PCDH18: variants seen among roughly 807,000 people sequenced by gnomAD.
The protein encoded by PCDH18 is protocadherin-18.
In PCDH18, 38 loss-of-function variants were observed where a neutral mutation model predicts 71.5. The ratio of observed to expected loss-of-function variants is 0.53; its 90% CI spans 0.41 to 0.70. PCDH18 has a LOEUF of 0.70. PCDH18 is among the 30% of genes least tolerant of loss of function. The pLI is 0.00. For synonymous variants in PCDH18, 565 were observed against 505.4 expected (o/e 1.12, Z -1.58); for missense variants, 1,334 against 1,384.6 (o/e 0.96, Z 0.58).
chr4:137,525,556 G>A (rs1345233403), intron 3 of PCDH18, among the ~76,000 whole-genome samples: 1 of 152,068 alleles, frequency 6.6e-6, no homozygotes, highest in East Asian at 1.9e-4. Flanking sequence ...ATTGGAATAT[G>A]TGTCATCAAA....
intron 3 of PCDH18, among the ~76,000 whole-genome samples, chr4:137,527,316 A>G (rs2149214150): frequency 6.6e-6 from 1 of 152,308 alleles, no homozygotes; most frequent in Admixed American, 6.5e-5. Flanking sequence ...AATCTTCTCT[A>G]GGTTACTAAA....
chr4:137,524,920 A>G (rs1471308251), intron 3 of PCDH18, among the ~76,000 whole-genome samples: 1 of 152,176 alleles, frequency 6.6e-6, no homozygotes, highest in Non-Finnish European at 1.5e-5. Flanking sequence ...TAAACCTGTC[A>G]TGGAAGAAAG....
intron 3 of PCDH18, 60 bp downstream of exon 3, chr4:137,528,418 T>G (rs1263387758): frequency 7.3e-7 from 1 of 1,373,806 alleles, no homozygotes; most frequent in Non-Finnish European, 1.0e-6. Flanking sequence ...GAGAAATTTT[T>G]CATTTTACTG....
At chr4:137,523,477 A>G (rs915976897) in intron 3 of PCDH18, among the ~76,000 whole-genome samples, 1 of 151,930 alleles carries the variant, frequency 6.6e-6, no homozygotes, top group African/African-American at 2.4e-5. Flanking sequence ...TTAATTCCGC[A>G]GGTCTCTGAA....
chr4:137,521,651 T>C lies in PCDH18; in HGVS notation c.2786A>G (p.Asp929Gly), dbSNP rs1375443981. The change falls in exon 4 of 4, where the codon GAC becomes GGC. Residue 929 changes from aspartate (D) to glycine (G), a missense_variant. Coordinates refer to ENST00000344876, the MANE Select transcript of PCDH18 (RefSeq NM_019035.5). The stretch of plus-strand genomic sequence containing the variant: ...GGGCAGTGGTGGCATCCAGCACTGG[T>C]CAGAGTGTCCCAGGACCCTGCACTC... ...TEECRVLGHS[D>G]QCWMPPLPSP... 1 of 1,611,584 alleles carries C rather than the reference T, an allele frequency of 6.2e-7. No homozygotes were observed. The highest frequency in any genetic ancestry group is 8.5e-7 in the Non-Finnish European group (1 of 1,179,900).
At position 137,519,734 on chromosome 4, in the gene PCDH18, CAG is replaced by C. The variant is rs1376041081; in HGVS notation, c.*1293_*1294del. On this transcript the variant is annotated 3_prime_UTR_variant, in exon 4 of 4. Transcript: ENST00000344876. ...TTAATTTTTCTTTTATTTTCACTGA[CAG>C]AAAAATTTTCTGGAGAGTACAATCA... The C allele has an allele frequency of 6.6e-6, 1 of 152,126 alleles. No homozygotes were observed. Among genetic ancestry groups the C allele is most frequent in the Non-Finnish European group, 1.5e-5 (1 of 68,012 alleles). 9.4% of individuals were successfully genotyped at this position (152,126 alleles called of 1,614,324 possible).
rs938682166 is a variant in PCDH18, at chr4:137,531,551, C to A, written c.538G>T (p.Asp180Tyr). The change falls in exon 1 of 4, where the codon GAT (aspartate) becomes TAT (tyrosine). Residue 180 changes from aspartate (D) to tyrosine (Y), a missense_variant. Physicochemically the swap from Asp to Tyr is radical, Grantham distance 160. Coordinates refer to ENST00000344876, the MANE Select transcript of PCDH18 (RefSeq NM_019035.5). ...SLHTYSLSAN[D>Y]FFNIEVRTRT... ...GTCCGAACCTCGATATTAAAAAAATCATTGGCAGAGAGCGAGTATGTGTGG... is the reference window on the plus strand; with the variant it reads ...GTCCGAACCTCGATATTAAAAAAATAATTGGCAGAGAGCGAGTATGTGTGG... 1 of 1,613,068 alleles carries A rather than the reference C, an allele frequency of 6.2e-7. No homozygotes were observed. Among genetic ancestry groups the A allele is most frequent in the African/African-American group, 1.3e-5 (1 of 74,906 alleles).
At position 137,531,490 on chromosome 4, in the gene PCDH18, A is replaced by G. The variant is rs1430354257; in HGVS notation, c.599T>C (p.Val200Ala). The G allele has an allele frequency of 6.2e-7, 1 of 1,613,978 alleles. No individual in the cohort carries two copies. The highest frequency in any genetic ancestry group is 8.5e-7 in the Non-Finnish European group (1 of 1,179,914). ...CAGCTCCCGATCTAACTCTCTGACCACTATGAGTTCTGCATACTTGGCTCC... is the reference window on the plus strand; with the variant it reads ...CAGCTCCCGATCTAACTCTCTGACCGCTATGAGTTCTGCATACTTGGCTCC... Reference protein sequence around the residue: ...TDGAKYAELIVVRELDRELKS... With the variant: ...TDGAKYAELIAVRELDRELKS... Residue 200 changes from valine to alanine, a missense_variant, in exon 1 of 4, where the codon GTG (valine) becomes GCG (alanine). Val to Ala is a moderately conservative substitution (Grantham distance 64). Coordinates refer to ENST00000344876, the MANE Select transcript of PCDH18 (RefSeq NM_019035.5).
chr4:137,521,005 A>G lies in PCDH18; in HGVS notation c.*24T>C. Reference sequence around the variant, plus strand: ...GTTCCCTATTTCCATATACATGGAAACAAAAATGCTTCGCTAAAATCTCCT... The same window carrying G: ...GTTCCCTATTTCCATATACATGGAAGCAAAAATGCTTCGCTAAAATCTCCT... On this transcript the variant is annotated 3_prime_UTR_variant, in exon 4 of 4. Coordinates refer to ENST00000344876, the MANE Select transcript of PCDH18 (RefSeq NM_019035.5). 2 of 1,527,566 alleles carry G rather than the reference A, an allele frequency of 1.3e-6. No individual in the cohort carries two copies. Among genetic ancestry groups the G allele is most frequent in the Non-Finnish European group, 8.8e-7 (1 of 1,132,828 alleles). The allele number at this position is 1,527,566 out of a possible 1,614,324, so 94.6% of individuals were successfully genotyped here. A position where few individuals can be genotyped will look rare whatever the true frequency, so the allele number is the denominator to read the frequency against.
At chr4:137,523,208 G>C (rs1446691543) in intron 3 of PCDH18, among the ~76,000 whole-genome samples, 1 of 152,062 alleles carries the variant, frequency 6.6e-6, no homozygotes, top group Admixed American at 6.5e-5. Flanking sequence ...GAGAAAGAGC[G>C]TAAGCATGAA....
rs1731674794 is a variant in PCDH18, at chr4:137,531,081, G to A, written c.1008C>T (p.Ala336=). 6.2e-7 allele frequency: 1 copy of A among 1,613,352 alleles called. No individual in the cohort carries two copies. Among genetic ancestry groups the A allele is most frequent in the African/African-American group, 1.3e-5 (1 of 74,976 alleles). The change falls in exon 1 of 4, where the codon GCC becomes GCT. Residue 336 remains alanine, a synonymous_variant. Transcript: ENST00000344876. ...AQDLGPNSIP[A]HCKIIIKVVD... ...CAACCTTAATTATAATTTTGCAATGGGCTGGGATTGAATTTGGACCCAAAT... is the reference window on the plus strand; with the variant it reads ...CAACCTTAATTATAATTTTGCAATGAGCTGGGATTGAATTTGGACCCAAAT...
chr4:137,521,255 T>C lies in PCDH18; in HGVS notation c.3182A>G (p.His1061Arg). 6.2e-7 allele frequency: 1 copy of C among 1,614,088 alleles called. No homozygotes were observed. Among genetic ancestry groups the C allele is most frequent in the Non-Finnish European group, 8.5e-7 (1 of 1,179,986 alleles). The change falls in exon 4 of 4, where the codon CAT becomes CGT. Residue 1061 changes from histidine (H) to arginine (R), a missense_variant. By Grantham distance (29) the His-to-Arg change is conservative. This residue lies in a region of PCDH18 where 319 missense variants were observed against 316.3 expected (regional missense o/e 1.01). Coordinates refer to ENST00000344876, the MANE Select transcript of PCDH18 (RefSeq NM_019035.5). The stretch of plus-strand genomic sequence containing the variant: ...ACAGTTGGTGGTGGGATTTTGAAAA[T>C]GCGTACTGGCTGCCCATGCCGCTAC... ...QGVAAWAAST[H>R]FQNPTTNCGP...
chr4:137,527,307 A>G (rs1257706484), intron 3 of PCDH18, among the ~76,000 whole-genome samples: 2 of 152,152 alleles, frequency 1.3e-5, no homozygotes, highest in African/African-American at 2.4e-5. Context: ...AATACTTTAA[A>G]TCTTCTCTAG....
In PCDH18 at chr4:137,529,385, A is replaced by G. The variant is rs1017950559; in HGVS notation, c.2487+217T>C. The G allele has an allele frequency of 1.1e-5, 5 of 451,878 alleles. No individual in the cohort carries two copies. In the Admixed American group the frequency reaches 1.5e-4, roughly 13 times the overall value. 28.0% of individuals were successfully genotyped at this position (451,878 alleles called of 1,614,324 possible). ...ACCTTCACATTTATTTTTCAATATT[A>G]CACATATTATATGAAGTTATTTACT... On this transcript the variant is annotated intron_variant, in intron 1 of 3. Transcript: ENST00000344876.
At chr4:137,526,076 C>T (rs987431147) in intron 3 of PCDH18, among the ~76,000 whole-genome samples, 12 of 151,266 alleles carry the variant, frequency 7.9e-5, no homozygotes, top group Non-Finnish European at 1.3e-4. Context: ...ACTCCAAGTG[C>T]TAGAAAACTT....
rs1323162320 is a variant in PCDH18, at chr4:137,521,505, C to T, written c.2932G>A (p.Glu978Lys). Reference sequence around the variant, plus strand: ...AAGGTGGAAAAACTCTTCTTCTTTTCACCGGAATCTGCAGGCTGAGCGTCA... The same window carrying T: ...AAGGTGGAAAAACTCTTCTTCTTTTTACCGGAATCTGCAGGCTGAGCGTCA... ...EDDAQPADSG[E>K]KKKSFSTFGK... The change falls in exon 4 of 4, where the codon GAA becomes AAA. Residue 978 changes from glutamate to lysine, a missense_variant. Glu to Lys is a moderately conservative substitution (Grantham distance 56, BLOSUM62 1). Transcript: ENST00000344876. The T allele has an allele frequency of 1.2e-6, 2 of 1,614,030 alleles. No individual in the cohort carries two copies. The highest frequency in any genetic ancestry group is 2.7e-5 in the African/African-American group (2 of 74,930).
In PCDH18 at chr4:137,520,344, AG is replaced by A. The variant is rs1211620776; in HGVS notation, c.*684del. 1 of 152,202 alleles carries A rather than the reference AG, an allele frequency of 6.6e-6. No individual in the cohort carries two copies. Among genetic ancestry groups the A allele is most frequent in the Non-Finnish European group, 1.5e-5 (1 of 68,026 alleles). 9.4% of individuals were successfully genotyped at this position (152,202 alleles called of 1,614,324 possible). ...GGCCAGTGTGATGGCCTGGAATAGT[AG>A]GGGCCTGGGAGTCAGGAAACATTGA... On this transcript the variant is annotated 3_prime_UTR_variant, in exon 4 of 4. Coordinates refer to ENST00000344876, the MANE Select transcript of PCDH18 (RefSeq NM_019035.5).
chr4:137,526,623 A>C (rs193137802), intron 3 of PCDH18, among the ~76,000 whole-genome samples: 52 of 152,234 alleles, frequency 3.4e-4, no homozygotes, highest in African/African-American at 1.2e-3. Flanking sequence ...CTGTGCAAAC[A>C]GGCTCTCAGG....
At chr4:137,523,511 T>C (rs1226238493) in intron 3 of PCDH18, among the ~76,000 whole-genome samples, 1 of 152,114 alleles carries the variant, frequency 6.6e-6, no homozygotes, top group Non-Finnish European at 1.5e-5. Context: ...CCTGTCTCTA[T>C]TGTCTTACTC....
Sources: allele counts gnomAD v4.1 joint callset (sites outside exome capture counted in the v4.1 genomes callset), GRCh38; gene constraint gnomAD v4.1.1; regional missense constraint gnomAD v4.1.1; transcripts MANE v1.5; gene names NCBI Gene and HGNC (gene_info 2026-07-23, HGNC 2026-07-21).